Variants in C2CD5 observed in about 807,000 individuals in gnomAD.
C2CD5 encodes C2 domain-containing protein 5.
In C2CD5, 109 loss-of-function variants were observed where a neutral mutation model predicts 130.3. That is an observed-to-expected ratio of 0.84 (90% CI 0.72 to 0.98). The LOEUF (loss-of-function observed/expected upper bound fraction) is 0.98. Ranked by LOEUF, C2CD5 falls within the 50% of genes least tolerant of loss-of-function variation. The pLI, the probability that C2CD5 is intolerant of heterozygous loss-of-function variation, is 0.00. For synonymous variants in C2CD5, 454 were observed against 429.2 expected (o/e 1.06, Z -0.71); for missense variants, 996 against 1,261.8 (o/e 0.79, Z 3.19).
intron 20 of C2CD5, 21 bp downstream of exon 20, chr12:22,471,377 TA>T: frequency 8.2e-7 from 1 of 1,216,538 alleles, no homozygotes; most frequent in South Asian, 1.3e-5. Flanking sequence ...TAAAGACTAA[TA>T]ATGGACTAAA....
At chr12:22,512,777 T>A in intron 9 of C2CD5, 7 of 785,468 alleles carry the variant, frequency 8.9e-6, no homozygotes, top group Non-Finnish European at 1.4e-5. Context: ...TATAGCTAAA[T>A]CTCAAACTTA....
At chr12:22,503,477 C>T (rs541565586) in intron 10 of C2CD5, among the ~76,000 whole-genome samples, 28 of 152,206 alleles carry the variant, frequency 1.8e-4, no homozygotes, top group South Asian at 1.2e-3. Context: ...CTTTTTAGTG[C>T]GTAATAATAC....
chr12:22,519,978 TAA>T (rs1206448520), intron 7 of C2CD5, among the ~76,000 whole-genome samples: 1 of 152,134 alleles, frequency 6.6e-6, no homozygotes, highest in African/African-American at 2.4e-5. Flanking sequence ...CAAAATTTTA[TAA>T]GATATCAACA....
chr12:22,541,966 G>T (rs1043165442), intron 2 of C2CD5, among the ~76,000 whole-genome samples: 30 of 152,184 alleles, frequency 2.0e-4, no homozygotes, highest in African/African-American at 5.3e-4. Flanking sequence ...AAAGAAGGAA[G>T]TAATAAGTAA....
intron 17 of C2CD5, 86 bp downstream of exon 17, chr12:22,472,658 A>T: frequency 1.2e-6 from 1 of 840,692 alleles, no homozygotes; most frequent in Non-Finnish European, 2.1e-6. Context: ...TCCTTCTTTT[A>T]AAGTAAAATT....
chr12:22,543,949 G>A, intron 2 of C2CD5, 112 bp downstream of exon 2: 3 of 787,078 alleles, frequency 3.8e-6, no homozygotes, highest in Admixed American at 2.1e-5. Flanking sequence ...AACCACGGCC[G>A]AAGGGAGGGC....
At chr12:22,529,467 C>T (rs542386919) in intron 3 of C2CD5, among the ~76,000 whole-genome samples, 6 of 152,052 alleles carry the variant, frequency 3.9e-5, no homozygotes, top group Non-Finnish European at 7.4e-5. Context: ...CCTTCCCTGA[C>T]ATTAGGGGGT....
At chr12:22,458,762 G>A (rs1940493926) in intron 23 of C2CD5, 177 bp from the exon 24 acceptor site, 1 of 353,660 alleles carries the variant, frequency 2.8e-6, no homozygotes, top group African/African-American at 2.1e-5. Context: ...ACACTGATTT[G>A]TCCAAAACCA....
intron 22 of C2CD5, among the ~76,000 whole-genome samples, chr12:22,463,192 G>A (rs1941489739): frequency 6.6e-6 from 1 of 152,052 alleles, no homozygotes; most frequent in Non-Finnish European, 1.5e-5. Context: ...TTCGAGACCA[G>A]CCTGACCAAT....
rs918605281 is a variant in C2CD5, at chr12:22,530,076, CTATATATATATATATATATA to C, written c.178-2204_178-2185del. Among the ~76,000 whole-genome samples, 3 of 77,290 alleles carry C rather than the reference CTATATATATATATATATATA, an allele frequency of 3.9e-5. No individual in the cohort carries two copies. The South Asian group carries it at 1.7e-3, about 43-fold the overall frequency. 50.7% of individuals were successfully genotyped at this position (77,290 alleles called of 152,430 possible). ...TTTGCTTAAGACATGTATTTGAGTG[CTATATATATATATATATATA>C]TATATATATATATATACACACACAC... is the stretch of plus-strand genomic sequence containing the variant. On this transcript the variant is annotated intron_variant, in intron 3 of 26. Transcript: ENST00000446597.
At chr12:22,464,519 T>G (rs555921441) in intron 22 of C2CD5, among the ~76,000 whole-genome samples, 1 of 152,244 alleles carries the variant, frequency 6.6e-6, no homozygotes, top group Non-Finnish European at 1.5e-5. Context: ...ATAAAGATTC[T>G]TTATTCCTAC....
At chr12:22,528,022 T>A (rs1950884018) in intron 3 of C2CD5, 130 bp from the exon 4 acceptor site, 1 of 476,520 alleles carries the variant, frequency 2.1e-6, no homozygotes, top group Non-Finnish European at 3.6e-6. Flanking sequence ...AGCACCAAAG[T>A]AAAGAAAAGA....
intron 14 of C2CD5, among the ~76,000 whole-genome samples, chr12:22,481,575 C>G (rs1944705046): frequency 6.6e-6 from 1 of 150,572 alleles, no homozygotes; most frequent in Non-Finnish European, 1.5e-5. Context: ...TATTTGCTAA[C>G]AAGCCAAAAT....
At chr12:22,463,878 A>T (rs1941617183) in intron 22 of C2CD5, 1 of 152,174 alleles carries the variant, frequency 6.6e-6, no homozygotes. Flanking sequence ...TGCAGTTGGG[A>T]GTCATTATAA....
At chr12:22,453,872 C>T (rs1181554116) in intron 26 of C2CD5, 24 bp downstream of exon 26, 1 of 1,605,918 alleles carries the variant, frequency 6.2e-7, no homozygotes, top group Non-Finnish European at 8.5e-7. Flanking sequence ...TCCCGCCAAT[C>T]AGGAATTTTT....
At chr12:22,488,436 T>C (rs571610856) in intron 12 of C2CD5, among the ~76,000 whole-genome samples, 4 of 144,878 alleles carry the variant, frequency 2.8e-5, no homozygotes, top group African/African-American at 1.0e-4. Context: ...TGTTTTTTTC[T>C]TTTTTTTTTT....
chr12:22,529,660 T>C (rs991680573), intron 3 of C2CD5, among the ~76,000 whole-genome samples: 7 of 152,352 alleles, frequency 4.6e-5, no homozygotes, highest in Admixed American at 3.3e-4. Flanking sequence ...ATGTTTTAAA[T>C]GTTTAAATTA....
rs1942910661 is a variant in C2CD5, at chr12:22,470,868, G to A, written c.2402C>T (p.Ala801Val). Residue 801 changes from alanine (A) to valine (V), a missense_variant, in exon 21 of 27, where the codon GCT (alanine) becomes GTT (valine). By Grantham distance (64) the Ala-to-Val change is moderately conservative (BLOSUM62 0). Around this residue, in one of 9 missense-constraint regions of C2CD5, gnomAD observed 590 missense variants for 631.4 expected, o/e 0.93. Transcript: ENST00000446597. ...AACAGGGGTTTTTGTGGTTTGTAAAGCCTGATTTTTGTCAAAAGTGATTGC... is the reference window on the plus strand; with the variant it reads ...AACAGGGGTTTTTGTGGTTTGTAAAACCTGATTTTTGTCAAAAGTGATTGC... Reference protein sequence around the residue: ...AVAITFDKNQALQTTKTPVEK... With the variant: ...AVAITFDKNQVLQTTKTPVEK... 4 of 1,612,438 alleles carry A rather than the reference G, an allele frequency of 2.5e-6. No individual in the cohort carries two copies. Among genetic ancestry groups the A allele is most frequent in the African/African-American group, 1.3e-5 (1 of 74,910 alleles).
At chr12:22,497,644 TAG>T in intron 10 of C2CD5, 2 of 920,342 alleles carry the variant, frequency 2.2e-6, no homozygotes, top group Non-Finnish European at 2.6e-6. Flanking sequence ...AAAAAGAAAT[TAG>T]AGAGTTCAGG....
Sources: gnomAD v4.1 joint callset for allele counts (sites outside exome capture counted in the v4.1 genomes callset) on GRCh38, gnomAD v4.1.1 for gene constraint, gnomAD v4.1.1 regional missense constraint, MANE v1.5 for transcripts, NCBI Gene and HGNC (gene_info 2026-07-23, HGNC 2026-07-21) for gene names.